The following FRMD4B variants were observed in gnomAD, a reference collection of about 807,000 sequenced individuals.
The protein encoded by FRMD4B is FERM domain-containing protein 4B.
Under a neutral mutation model 141.5 loss-of-function variants are expected in FRMD4B, and 74 were observed. That is an observed-to-expected ratio of 0.52 (90% CI 0.43 to 0.63). The LOEUF (loss-of-function observed/expected upper bound fraction) is 0.63. FRMD4B is among the 30% of genes least tolerant of loss of function. FRMD4B has a pLI of 0.00. For missense variants in FRMD4B, 1,366 were observed against 1,253.4 expected, an observed-to-expected ratio of 1.09 and a Z score of -1.36; for synonymous variants, 506 against 467.9, an observed-to-expected ratio of 1.08 and a Z score of -1.05.
intron 4 of FRMD4B, among the ~76,000 whole-genome samples, chr3:69,294,110 A>G (rs1700964952): frequency 6.6e-6 from 1 of 152,176 alleles, no homozygotes; most frequent in East Asian, 1.9e-4. Flanking sequence ...TGAATTGGGC[A>G]AGAACTGCTC....
chr3:69,350,796 G>A (rs1368581903), intron 1 of FRMD4B, among the ~76,000 whole-genome samples: 1 of 148,842 alleles, frequency 6.7e-6, no homozygotes, highest in East Asian at 2.0e-4. Flanking sequence ...GACACAGGAA[G>A]GGGAACAGCA....
At chr3:69,192,028 C>T (rs2092843494) in intron 17 of FRMD4B, among the ~76,000 whole-genome samples, 2 of 152,078 alleles carry the variant, frequency 1.3e-5, no homozygotes, top group South Asian at 2.1e-4. Flanking sequence ...TTTTAAGTAC[C>T]AGCAAAAAAT....
chr3:69,244,196 G>C (rs1180122871), intron 7 of FRMD4B, among the ~76,000 whole-genome samples: 3 of 152,178 alleles, frequency 2.0e-5, no homozygotes, highest in Non-Finnish European at 2.9e-5. Context: ...TGTCTGACAG[G>C]TGGGAAAAAG....
chr3:69,323,620 A>G lies in FRMD4B; in HGVS notation c.163-10103T>C, dbSNP rs1434626345. On this transcript the variant is annotated intron_variant, in intron 1 of 22. Transcript: ENST00000398540. ...TCTCTCTCTCTGTGTATATATATAT[A>G]TATATATATATATATATATATATAT... Among the ~76,000 whole-genome samples, 104 of 33,876 alleles carry G rather than the reference A, an allele frequency of 3.1e-3. 1 individual carries two copies. The highest frequency in any genetic ancestry group is 9.0e-3 in the African/African-American group (87 of 9,680). 22.2% of individuals were successfully genotyped at this position (33,876 alleles called of 152,430 possible).
chr3:69,496,900 T>C (rs1706410616), intron 1 of FRMD4B, among the ~76,000 whole-genome samples: 1 of 151,534 alleles, frequency 6.6e-6, no homozygotes, highest in Non-Finnish European at 1.5e-5. Flanking sequence ...TATGGTAGTT[T>C]TTTTTTTATT....
In FRMD4B at chr3:69,182,736, G is replaced by C. The variant is rs200192067; in HGVS notation, c.1920-19C>G. On this transcript the variant is annotated intron_variant, in intron 19 of 22. Transcript: ENST00000398540. The stretch of plus-strand genomic sequence containing the variant: ...CATTTCTCTGTGATGATAAAAAGAA[G>C]AATTCAGGAAATGATGAGTCTCTCA... 5 of 1,609,430 alleles carry C rather than the reference G, an allele frequency of 3.1e-6. No homozygotes were observed. The highest frequency in any genetic ancestry group is 4.2e-6 in the Non-Finnish European group (5 of 1,178,352).
intron 1 of FRMD4B, among the ~76,000 whole-genome samples, chr3:69,375,760 A>G (rs952195116): frequency 4.6e-5 from 7 of 152,198 alleles, no homozygotes; most frequent in African/African-American, 2.4e-5. Context: ...TACCTATTAT[A>G]ATAAGTACAT....
chr3:69,212,357 C>A (rs1214918985), intron 11 of FRMD4B, among the ~76,000 whole-genome samples: 3 of 5,600 alleles, frequency 5.4e-4, no homozygotes, highest in East Asian at 2.5e-3. Context: ...GAAACCCCGT[C>A]TCAAAAAAAA....
At chr3:69,221,367 A>C (rs548248254) in intron 9 of FRMD4B, among the ~76,000 whole-genome samples, 1 of 152,216 alleles carries the variant, frequency 6.6e-6, no homozygotes, top group Non-Finnish European at 1.5e-5. Flanking sequence ...ACACCAATAT[A>C]CTATACACTC....
intron 1 of FRMD4B, among the ~76,000 whole-genome samples, chr3:69,367,285 T>A (rs1378455871): frequency 6.6e-6 from 1 of 152,216 alleles, no homozygotes; most frequent in Non-Finnish European, 1.5e-5. Flanking sequence ...CAGAATAATA[T>A]GAAAGTAAGA....
At chr3:69,386,095 C>A (rs1704246909), upstream of FRMD4B, 1 of 1,072,958 alleles carries the variant, frequency 9.3e-7, no homozygotes, top group Non-Finnish European at 1.3e-6. Context: ...TGCTGGCAGC[C>A]GGGGGGTCAA....
At chr3:69,496,637 AAGAGAG>A (rs1169584495) in intron 1 of FRMD4B, among the ~76,000 whole-genome samples, 1,564 of 56,342 alleles carry the variant, frequency 0.028, 49 homozygotes, top group African/African-American at 0.11. Flanking sequence ...GAGAGAGAGA[AAGAGAG>A]AGAGAGAGAG....
intron 1 of FRMD4B, among the ~76,000 whole-genome samples, chr3:69,324,976 G>A (rs1350536301): frequency 1.3e-5 from 2 of 151,728 alleles, no homozygotes; most frequent in Non-Finnish European, 2.9e-5. Context: ...GTACTTGAGA[G>A]GCTGAGGCAG....
At chr3:69,470,713 C>G (rs917402197) in intron 1 of FRMD4B, among the ~76,000 whole-genome samples, 3 of 152,100 alleles carry the variant, frequency 2.0e-5, no homozygotes, top group South Asian at 4.1e-4. Flanking sequence ...GTTTCAGTAA[C>G]CAGGCTCAAA....
chr3:69,188,188 A>G (rs1484052013), intron 18 of FRMD4B, among the ~76,000 whole-genome samples: 1 of 152,224 alleles, frequency 6.6e-6, no homozygotes, highest in Non-Finnish European at 1.5e-5. Flanking sequence ...AAATCACTCA[A>G]GGGGAATGGG....
chr3:69,250,745 A>G (rs950529463), intron 5 of FRMD4B, among the ~76,000 whole-genome samples: 1 of 69,822 alleles, frequency 1.4e-5, no homozygotes, highest in Non-Finnish European at 2.9e-5. Flanking sequence ...TTTTTTTTTT[A>G]TCATTCAAAA....
intron 5 of FRMD4B, among the ~76,000 whole-genome samples, chr3:69,272,324 T>C (rs2093598089): frequency 6.6e-6 from 1 of 152,118 alleles, no homozygotes; most frequent in South Asian, 2.1e-4. Context: ...TTGTTTTTAG[T>C]AGAGATGGTT....
chr3:69,435,109 C>G (rs1167583408), intron 1 of FRMD4B, among the ~76,000 whole-genome samples: 1 of 152,072 alleles, frequency 6.6e-6, no homozygotes. Context: ...CTTTAGAGAC[C>G]CTATCCACAT....
chr3:69,250,107 T>A lies in FRMD4B; in HGVS notation c.502-8A>T, dbSNP rs773089203. Reference sequence around the variant, plus strand: ...CTCTACTTCGATTTGCCCCTGTTGATGGAAAAGGAAAGCATCATTGAACAT... The same window carrying A: ...CTCTACTTCGATTTGCCCCTGTTGAAGGAAAAGGAAAGCATCATTGAACAT... On this transcript the variant is annotated splice_region_variant and splice_polypyrimidine_tract_variant and intron_variant, in intron 5 of 22. Coordinates refer to ENST00000398540, the MANE Select transcript of FRMD4B (RefSeq NM_015123.3). The A allele has an allele frequency of 3.1e-6, 5 of 1,598,880 alleles. No individual in the cohort carries two copies. The highest frequency in any genetic ancestry group is 4.3e-6 in the Non-Finnish European group (5 of 1,166,156).
Sources: allele counts gnomAD v4.1 joint callset (sites outside exome capture counted in the v4.1 genomes callset), GRCh38; gene constraint gnomAD v4.1.1; transcripts MANE v1.5; gene names NCBI Gene and HGNC (gene_info 2026-07-23, HGNC 2026-07-21).